HDGFL3: variants seen among roughly 807,000 people sequenced by gnomAD.
HDGFL3 encodes HDGF like 3.
In HDGFL3, 6 loss-of-function variants were observed where a neutral mutation model predicts 27.6. The observed-to-expected ratio is 0.22, with a 90% CI of 0.12 to 0.43. HDGFL3 has a LOEUF of 0.43. HDGFL3 is among the 20% of genes least tolerant of loss of function. The pLI is 1.00. For synonymous variants in HDGFL3, 88 were observed against 88.9 expected (o/e 0.99, Z 0.05); for missense variants, 207 against 250.1 (o/e 0.83, Z 1.16).
At chr15:83,145,897 C>CTTTTTT (rs3082058) in intron 5 of HDGFL3, among the ~76,000 whole-genome samples, 4 of 49,476 alleles carry the variant, frequency 8.1e-5, no homozygotes, top group Non-Finnish European at 1.0e-4. Context: ...TTTCTTCTTC[C>CTTTTTT]TTTTTTTTTT....
chr15:83,149,398 T>A (rs12438398), intron 5 of HDGFL3, among the ~76,000 whole-genome samples: 36,432 of 152,094 alleles, frequency 0.24, 4,598 homozygotes, highest in African/African-American at 0.31. Flanking sequence ...AAATCATATG[T>A]ATGGATAAGA....
At chr15:83,182,385 T>C (rs2037391976) in intron 1 of HDGFL3, among the ~76,000 whole-genome samples, 1 of 152,252 alleles carries the variant, frequency 6.6e-6, no homozygotes, top group African/African-American at 2.4e-5. Flanking sequence ...AGGTTGTTCA[T>C]AGCAACTTTA....
chr15:83,180,487 G>C (rs1246905872), intron 1 of HDGFL3, among the ~76,000 whole-genome samples: 2 of 151,918 alleles, frequency 1.3e-5, no homozygotes, highest in Admixed American at 6.6e-5. Context: ...TTATAAAAAT[G>C]GATTTGGATA....
chr15:83,142,134 T>C (rs750949907), intron 5 of HDGFL3, among the ~76,000 whole-genome samples: 1 of 152,140 alleles, frequency 6.6e-6, no homozygotes, highest in Admixed American at 6.5e-5. Context: ...GAGCTAAAAA[T>C]AGAACTACCA....
rs2036576556 is a variant in HDGFL3, at chr15:83,135,919, A to G, written c.*3351T>C. 2 of 152,214 alleles carry G rather than the reference A, an allele frequency of 1.3e-5. No individual in the cohort carries two copies. The highest frequency in any genetic ancestry group is 2.9e-5 in the Non-Finnish European group (2 of 68,036). 9.4% of individuals were successfully genotyped at this position (152,214 alleles called of 1,614,324 possible). A position where few individuals can be genotyped will look rare whatever the true frequency, so the allele number is the denominator to read the frequency against. On this transcript the variant is annotated 3_prime_UTR_variant, in exon 6 of 6. Transcript: ENST00000299633. ...AACAAATACATGAATAAATGAATAA[A>G]CAAAAAACACATAGGGAAAGGGTAT...
rs1352900166 is a variant in HDGFL3, at chr15:83,137,903, C to A, written c.*1367G>T. The A allele has an allele frequency of 6.6e-6, 1 of 151,892 alleles. No individual in the cohort carries two copies. Among genetic ancestry groups the A allele is most frequent in the African/African-American group, 2.4e-5 (1 of 41,356 alleles). The allele number at this position is 151,892 out of a possible 1,614,324, so 9.4% of individuals were successfully genotyped here. On this transcript the variant is annotated 3_prime_UTR_variant, in exon 6 of 6. Transcript: ENST00000299633. The stretch of plus-strand genomic sequence containing the variant: ...AATATCAAATTACAAAATCTAGGGT[C>A]CACTGGGCTGGTAAATATGTAAGTG...
chr15:83,197,599 C>T (rs1029841969), intron 1 of HDGFL3, among the ~76,000 whole-genome samples: 6 of 152,190 alleles, frequency 3.9e-5, no homozygotes, highest in African/African-American at 1.4e-4. Flanking sequence ...CTTCAAGTTT[C>T]TGAACTTCAC....
At chr15:83,187,943 T>C (rs367737810) in intron 1 of HDGFL3, among the ~76,000 whole-genome samples, 3 of 151,312 alleles carry the variant, frequency 2.0e-5, no homozygotes, top group African/African-American at 7.3e-5. Context: ...TTTTATGCAC[T>C]GGTGCTTCTA....
intron 5 of HDGFL3, among the ~76,000 whole-genome samples, chr15:83,141,841 A>T (rs2036777775): frequency 6.6e-6 from 1 of 152,238 alleles, no homozygotes; most frequent in Non-Finnish European, 1.5e-5. Context: ...TATTTGGAAG[A>T]CCCAAGTAAT....
chr15:83,194,031 T>A (rs551948850), intron 1 of HDGFL3, among the ~76,000 whole-genome samples: 36 of 152,266 alleles, frequency 2.4e-4, no homozygotes, highest in African/African-American at 7.9e-4. Context: ...GGCTCACCTG[T>A]CCTGCATCAA....
At chr15:83,203,276 CAG>C (rs1254589219) in intron 1 of HDGFL3, among the ~76,000 whole-genome samples, 4 of 151,958 alleles carry the variant, frequency 2.6e-5, no homozygotes, top group Non-Finnish European at 4.4e-5. Context: ...GGGAAGAAAA[CAG>C]AATTTTGATT....
intron 5 of HDGFL3, among the ~76,000 whole-genome samples, chr15:83,150,433 G>A (rs1017299017): frequency 2.0e-5 from 3 of 152,130 alleles, no homozygotes; most frequent in Non-Finnish European, 2.9e-5. Flanking sequence ...AGAGGAATAA[G>A]AGAACAATCA....
intron 1 of HDGFL3, among the ~76,000 whole-genome samples, chr15:83,170,164 A>G (rs1042729018): frequency 6.6e-6 from 1 of 152,052 alleles, no homozygotes; most frequent in Non-Finnish European, 1.5e-5. Context: ...TAAAGATTCA[A>G]TGCTGTTCCT....
chr15:83,121,776 T>A, intron 3 of HDGFL3: 1 of 632,134 alleles, frequency 1.6e-6, no homozygotes, highest in Non-Finnish European at 2.7e-6. Context: ...GGGCTCCTTG[T>A]GTTTGATTTA....
downstream of HDGFL3, chr15:83,124,918 C>A: frequency 1.4e-6 from 1 of 707,132 alleles, no homozygotes; most frequent in Non-Finnish European, 2.3e-6. Context: ...AAGCCTGGAG[C>A]CCTGGACCTG....
At chr15:83,179,416 A>G (rs779950295) in intron 1 of HDGFL3, among the ~76,000 whole-genome samples, 6 of 152,208 alleles carry the variant, frequency 3.9e-5, no homozygotes, top group Non-Finnish European at 8.8e-5. Context: ...CGATAATCTA[A>G]TTAGGAAACA....
intron 3 of HDGFL3, chr15:83,115,814 GCTT>G: frequency 6.7e-7 from 1 of 1,488,456 alleles, no homozygotes; most frequent in Middle Eastern, 1.7e-4. Flanking sequence ...CTGAGCTATT[GCTT>G]TTTAAACTGC....
chr15:83,141,933 G>A (rs566198435), intron 5 of HDGFL3, among the ~76,000 whole-genome samples: 2 of 152,142 alleles, frequency 1.3e-5, no homozygotes, highest in African/African-American at 4.8e-5. Flanking sequence ...GCTCAGTATC[G>A]CTGATCATTA....
At chr15:83,157,865 A>AATGAG in intron 3 of HDGFL3, 38 bp downstream of exon 3, 1 of 1,585,134 alleles carries the variant, frequency 6.3e-7, no homozygotes, top group Non-Finnish European at 8.6e-7. Flanking sequence ...AAACCAAAGA[A>AATGAG]ATGAGATATA....
Sources: gnomAD v4.1 joint callset for allele counts (sites outside exome capture counted in the v4.1 genomes callset) on GRCh38, gnomAD v4.1.1 for gene constraint, MANE v1.5 for transcripts, NCBI Gene and HGNC (gene_info 2026-07-23, HGNC 2026-07-21) for gene names.